Variants in ARHGAP10 observed in about 807,000 individuals in gnomAD.
ARHGAP10 encodes the protein Rho GTPase activating protein 10.
In ARHGAP10, 87 loss-of-function variants were observed where a neutral mutation model predicts 108.6. The ratio of observed to expected loss-of-function variants is 0.80; its 90% CI spans 0.67 to 0.96. The LOEUF (loss-of-function observed/expected upper bound fraction) is 0.96. Ranked by LOEUF, ARHGAP10 falls within the 40% of genes least tolerant of loss-of-function variation. ARHGAP10 has a pLI of 0.00. For synonymous variants in ARHGAP10, 347 were observed against 341.1 expected (o/e 1.02, Z -0.19); for missense variants, 939 against 954.5 (o/e 0.98, Z 0.21).
intron 19 of ARHGAP10, among the ~76,000 whole-genome samples, chr4:148,030,206 T>C (rs1311702116): frequency 1.3e-5 from 2 of 152,208 alleles, no homozygotes; most frequent in Non-Finnish European, 2.9e-5. Flanking sequence ...CTCAGATTTA[T>C]AGAAGAGAGA....
rs372138021 is a variant in ARHGAP10 at position 147,837,675 on chromosome 4, T to C, written c.313-9476T>C. Among the ~76,000 whole-genome samples, 171 of 147,834 alleles carry C rather than the reference T, an allele frequency of 1.2e-3. 2 individuals carry two copies. The highest frequency in any genetic ancestry group is 3.8e-3 in the African/African-American group (151 of 39,268). ...TTTTTTTTTTTTTAAAGCAGTAGCT[T>C]TTGAATCCAAGTCTTGGATGGGACC... On this transcript the variant is annotated intron_variant, in intron 3 of 22. Transcript: ENST00000336498.
intron 18 of ARHGAP10, among the ~76,000 whole-genome samples, chr4:148,001,865 A>G (rs1293446114): frequency 1.3e-5 from 2 of 152,192 alleles, no homozygotes; most frequent in East Asian, 3.8e-4. Flanking sequence ...GCAAACAGGG[A>G]CAATTTGACT....
intron 22 of ARHGAP10, among the ~76,000 whole-genome samples, chr4:148,068,001 G>A (rs1388619580): frequency 6.6e-6 from 1 of 151,596 alleles, no homozygotes; most frequent in Non-Finnish European, 1.5e-5. Context: ...CCACCCTCGG[G>A]AGAGGGCTGT....
intron 10 of ARHGAP10, among the ~76,000 whole-genome samples, chr4:147,886,304 C>G (rs1300620042): frequency 6.6e-6 from 1 of 152,192 alleles, no homozygotes; most frequent in Non-Finnish European, 1.5e-5. Flanking sequence ...CAGCACTTGG[C>G]TTCTTGACTT....
intron 1 of ARHGAP10, among the ~76,000 whole-genome samples, chr4:147,781,954 T>C (rs1320050457): frequency 6.6e-6 from 1 of 152,186 alleles, no homozygotes; most frequent in African/African-American, 2.4e-5. Context: ...AAACTGACAG[T>C]TGAGTTTCAT....
At chr4:147,922,767 A>G (rs17024143) in intron 13 of ARHGAP10, among the ~76,000 whole-genome samples, 20,100 of 151,856 alleles carry the variant, frequency 0.13, 3,042 homozygotes, top group African/African-American at 0.35. Context: ...GTCTTTGCAC[A>G]TAGTAGATAT....
intron 7 of ARHGAP10, among the ~76,000 whole-genome samples, chr4:147,871,104 T>C (rs1297488985): frequency 1.3e-5 from 2 of 151,874 alleles, no homozygotes; most frequent in African/African-American, 2.4e-5. Context: ...GGACTACAGG[T>C]GCCCGCCACC....
At chr4:147,893,750 G>T (rs1735881575) in intron 10 of ARHGAP10, among the ~76,000 whole-genome samples, 1 of 151,854 alleles carries the variant, frequency 6.6e-6, no homozygotes, top group South Asian at 2.1e-4. Flanking sequence ...AGTTACTCGG[G>T]AACTACCAAG....
intron 18 of ARHGAP10, among the ~76,000 whole-genome samples, chr4:148,003,337 A>G (rs1028043454): frequency 2.6e-5 from 4 of 152,190 alleles, no homozygotes; most frequent in African/African-American, 7.2e-5. Context: ...ACTTCCAACT[A>G]TGTGGTCAGT....
intron 20 of ARHGAP10, among the ~76,000 whole-genome samples, chr4:148,061,525 A>G (rs1264679189): frequency 2.6e-5 from 4 of 152,328 alleles, no homozygotes; most frequent in Non-Finnish European, 4.4e-5. Flanking sequence ...GATTTATAAC[A>G]AATCTTGCCT....
At chr4:147,950,627 C>T (rs1738563329) in intron 15 of ARHGAP10, among the ~76,000 whole-genome samples, 1 of 152,162 alleles carries the variant, frequency 6.6e-6, no homozygotes, top group Non-Finnish European at 1.5e-5. Context: ...GCAGGTCCTC[C>T]AGGGTCTTGG....
At chr4:148,006,666 A>C (rs1000863083) in intron 18 of ARHGAP10, among the ~76,000 whole-genome samples, 3 of 152,198 alleles carry the variant, frequency 2.0e-5, no homozygotes, top group East Asian at 1.9e-4. Context: ...GAGTACTTTT[A>C]AGGGGAAAAA....
At chr4:147,911,831 A>G (rs565843384) in intron 12 of ARHGAP10, among the ~76,000 whole-genome samples, 26 of 152,088 alleles carry the variant, frequency 1.7e-4, no homozygotes, top group Non-Finnish European at 3.2e-4. Flanking sequence ...AAAATAATAA[A>G]ATATTATTTT....
chr4:147,741,792 G>A (rs9307842), intron 1 of ARHGAP10, among the ~76,000 whole-genome samples: 7,283 of 56,828 alleles, frequency 0.13, 277 homozygotes, highest in Non-Finnish European at 0.17. Context: ...ACACACACAC[G>A]CACACACACA....
At chr4:147,780,714 A>G (rs189426213) in intron 1 of ARHGAP10, among the ~76,000 whole-genome samples, 26 of 152,302 alleles carry the variant, frequency 1.7e-4, no homozygotes, top group Non-Finnish European at 3.4e-4. Flanking sequence ...AGCCTGCCTC[A>G]TCTTGTGGGT....
intron 10 of ARHGAP10, among the ~76,000 whole-genome samples, chr4:147,894,465 A>G (rs1399125580): frequency 6.6e-6 from 1 of 152,214 alleles, no homozygotes; most frequent in African/African-American, 2.4e-5. Flanking sequence ...TTTACCGGAT[A>G]TAATAATAGT....
At chr4:147,953,581 T>G (rs1430411010) in intron 15 of ARHGAP10, among the ~76,000 whole-genome samples, 1 of 152,022 alleles carries the variant, frequency 6.6e-6, no homozygotes, top group Non-Finnish European at 1.5e-5. Context: ...TTTAATATCT[T>G]TAGAATCTGC....
In ARHGAP10 at chr4:147,777,784, C is replaced by G. The variant is rs116272057; in HGVS notation, c.155-44943C>G. Among the ~76,000 whole-genome samples, 286 of 152,244 alleles carry G rather than the reference C, an allele frequency of 1.9e-3. 1 individual carries two copies. Among genetic ancestry groups the G allele is most frequent in the African/African-American group, 6.5e-3 (272 of 41,538 alleles). ...GGAGGTGTTGGGGGAGTGGACTCTG[C>G]TTTTCATTTCTTTGAATAATATACA... is the stretch of plus-strand genomic sequence containing the variant. On this transcript the variant is annotated intron_variant, in intron 1 of 22. Transcript: ENST00000336498.
intron 18 of ARHGAP10, 137 bp from the exon 19 acceptor site, chr4:148,023,126 A>G (rs1446719381): frequency 2.1e-5 from 18 of 874,248 alleles, no homozygotes; most frequent in Admixed American, 8.6e-5. Flanking sequence ...TCTTCCCTTC[A>G]TTGGAAGGAA....
Sources: allele counts gnomAD v4.1 joint callset (sites outside exome capture counted in the v4.1 genomes callset), GRCh38; gene constraint gnomAD v4.1.1; transcripts MANE v1.5; gene names NCBI Gene and HGNC (gene_info 2026-07-23, HGNC 2026-07-21).